Variants in CCBE1 observed in about 807,000 individuals in gnomAD.
The protein encoded by CCBE1 is collagen and calcium-binding EGF domain-containing protein 1.
A neutral mutation model predicts 50.0 loss-of-function variants in CCBE1; 37 were observed. The ratio of observed to expected loss-of-function variants is 0.74; its 90% CI spans 0.57 to 0.97. CCBE1 has a LOEUF of 0.97. Ranked by LOEUF, CCBE1 falls within the 50% of genes least tolerant of loss-of-function variation. The probability of loss-of-function intolerance (pLI) is 0.00; values close to 1 mark genes in which losing one functional copy is unlikely to be tolerated. For missense variants in CCBE1, 538 were observed against 523.8 expected (o/e 1.03, Z -0.26); for synonymous variants, 234 against 203.7 (o/e 1.15, Z -1.27).
intron 2 of CCBE1, among the ~76,000 whole-genome samples, chr18:59,557,080 C>T (rs1166729594): frequency 6.6e-6 from 1 of 152,246 alleles, no homozygotes; most frequent in African/African-American, 2.4e-5. Context: ...GCAGCTGGGC[C>T]CCAATCCCTC....
At chr18:59,477,995 A>C (rs1166148492) in intron 3 of CCBE1, among the ~76,000 whole-genome samples, 1 of 152,180 alleles carries the variant, frequency 6.6e-6, no homozygotes, top group Non-Finnish European at 1.5e-5. Context: ...TAACATTGAA[A>C]TCAGTAGACT....
At chr18:59,540,439 T>A (rs548144351) in intron 2 of CCBE1, among the ~76,000 whole-genome samples, 2 of 152,356 alleles carry the variant, frequency 1.3e-5, no homozygotes, top group East Asian at 3.9e-4. Flanking sequence ...CATGTGTCCA[T>A]GTTCTAGCTG....
At chr18:59,626,321 A>G (rs944979692) in intron 2 of CCBE1, among the ~76,000 whole-genome samples, 14 of 152,224 alleles carry the variant, frequency 9.2e-5, no homozygotes, top group African/African-American at 2.9e-4. Flanking sequence ...TGAAAGTCCA[A>G]GCTTTCCTTA....
At position 59,431,833 on chromosome 18, in the gene CCBE1, G is replaced by T. The variant is rs1428803627; in HGVS notation, c.*4075C>A. 6.6e-6 allele frequency: 1 copy of T among 152,276 alleles called. No homozygotes were observed. Among genetic ancestry groups the T allele is most frequent in the African/African-American group, 2.4e-5 (1 of 41,456 alleles). The allele number at this position is 152,276 out of a possible 1,614,324, so 9.4% of individuals were successfully genotyped here. Reference sequence around the variant, plus strand: ...CAGATGTCGGGCATTAACTCAGAAGGTGAGAAAAGGCACCATTCTCTCTGC... The same window carrying T: ...CAGATGTCGGGCATTAACTCAGAAGTTGAGAAAAGGCACCATTCTCTCTGC... On this transcript the variant is annotated 3_prime_UTR_variant, in exon 11 of 11. Transcript: ENST00000439986.
intron 2 of CCBE1, among the ~76,000 whole-genome samples, chr18:59,543,345 T>C (rs1014637827): frequency 2.0e-5 from 3 of 152,180 alleles, no homozygotes; most frequent in Non-Finnish European, 4.4e-5. Context: ...TTCAGTGAAA[T>C]ATACAGTATT....
At chr18:59,456,590 T>G (rs1911204827) in intron 5 of CCBE1, among the ~76,000 whole-genome samples, 1 of 152,216 alleles carries the variant, frequency 6.6e-6, no homozygotes, top group Non-Finnish European at 1.5e-5. Context: ...CCAACCCTGC[T>G]GACATCTCAG....
chr18:59,651,780 A>G (rs532333620), intron 2 of CCBE1, among the ~76,000 whole-genome samples: 3 of 152,344 alleles, frequency 2.0e-5, no homozygotes, highest in East Asian at 1.9e-4. Flanking sequence ...GTTCATGTAA[A>G]TATCAGTCCT....
intron 2 of CCBE1, among the ~76,000 whole-genome samples, chr18:59,662,273 G>C (rs1278178381): frequency 6.6e-6 from 1 of 152,108 alleles, no homozygotes; most frequent in African/African-American, 2.4e-5. Context: ...GTGCATAGTG[G>C]GACACTCATT....
At chr18:59,676,767 A>T (rs1352224595) in intron 2 of CCBE1, among the ~76,000 whole-genome samples, 3 of 152,196 alleles carry the variant, frequency 2.0e-5, no homozygotes, top group Non-Finnish European at 2.9e-5. Flanking sequence ...GGATGGAGGG[A>T]AGTGTCAGTG....
chr18:59,646,447 T>C (rs2054056263), intron 2 of CCBE1, among the ~76,000 whole-genome samples: 1 of 152,160 alleles, frequency 6.6e-6, no homozygotes, highest in Admixed American at 6.5e-5. Flanking sequence ...CAACGCCATC[T>C]AGAGGAGCCA....
intron 2 of CCBE1, among the ~76,000 whole-genome samples, chr18:59,509,146 A>T (rs1914019949): frequency 6.6e-6 from 1 of 152,146 alleles, no homozygotes; most frequent in Non-Finnish European, 1.5e-5. Context: ...GTGGTCCTCA[A>T]ACTCTAATGT....
chr18:59,437,311 C>G (rs1004899284), intron 10 of CCBE1, among the ~76,000 whole-genome samples: 3 of 152,200 alleles, frequency 2.0e-5, no homozygotes, highest in Non-Finnish European at 4.4e-5. Context: ...ACCGTGGAAG[C>G]AGAGCTTACA....
upstream of CCBE1, chr18:59,697,484 G>A (rs1289091484): frequency 2.7e-6 from 3 of 1,121,656 alleles, no homozygotes; most frequent in Non-Finnish European, 3.7e-6. Flanking sequence ...ACGGGGAGCA[G>A]GGGTCCGGAA....
intron 2 of CCBE1, among the ~76,000 whole-genome samples, chr18:59,608,120 G>C (rs547530844): frequency 3.9e-5 from 6 of 152,168 alleles, no homozygotes; most frequent in Admixed American, 6.5e-5. Context: ...ACTCCGTCTC[G>C]AAAAATAATA....
intron 2 of CCBE1, among the ~76,000 whole-genome samples, chr18:59,491,239 T>C (rs1476011018): frequency 6.6e-6 from 1 of 152,202 alleles, no homozygotes; most frequent in Non-Finnish European, 1.5e-5. Context: ...CCAAGCATCC[T>C]GGAAAGTTTC....
chr18:59,517,037 T>C (rs1165223746), intron 2 of CCBE1, among the ~76,000 whole-genome samples: 1 of 152,208 alleles, frequency 6.6e-6, no homozygotes, highest in Non-Finnish European at 1.5e-5. Flanking sequence ...GCAGTTTCCC[T>C]TAAACCACAC....
At chr18:59,438,860 G>A (rs1247063213) in intron 9 of CCBE1, among the ~76,000 whole-genome samples, 2 of 152,188 alleles carry the variant, frequency 1.3e-5, no homozygotes, top group Non-Finnish European at 2.9e-5. Flanking sequence ...GAAAGTGAGA[G>A]ACCTTCAGGC....
chr18:59,694,978 G>C (rs117005969), intron 2 of CCBE1, among the ~76,000 whole-genome samples: 2,566 of 152,250 alleles, frequency 0.017, 31 homozygotes, highest in Non-Finnish European at 0.027. Flanking sequence ...CACATGCCAA[G>C]GTGCTGCTAG....
At chr18:59,472,750 T>C (rs1408212900) in intron 3 of CCBE1, among the ~76,000 whole-genome samples, 1 of 152,238 alleles carries the variant, frequency 6.6e-6, no homozygotes, top group East Asian at 1.9e-4. Context: ...TATTAGTCTG[T>C]TCTCACGCTG....
Sources: gnomAD v4.1 joint callset for allele counts (sites outside exome capture counted in the v4.1 genomes callset) on GRCh38, gnomAD v4.1.1 for gene constraint, MANE v1.5 for transcripts, NCBI Gene and HGNC (gene_info 2026-07-23, HGNC 2026-07-21) for gene names.